The following SLC1A7 variants were observed in gnomAD, a reference collection of about 807,000 sequenced individuals.
SLC1A7 encodes solute carrier family 1 member 7.
A neutral mutation model predicts 47.7 loss-of-function variants in SLC1A7; 40 were observed. The ratio of observed to expected loss-of-function variants is 0.84; its 90% CI spans 0.65 to 1.09. SLC1A7 has a LOEUF of 1.09. SLC1A7 is among the 50% of genes least tolerant of loss of function. The pLI, the probability that SLC1A7 is intolerant of heterozygous loss-of-function variation, is 0.00. For synonymous variants in SLC1A7, 323 were observed against 325.6 expected (o/e 0.99, Z 0.09); for missense variants, 746 against 769.5 (o/e 0.97, Z 0.36).
chr1:53,108,706 G>A (rs1644671660), intron 3 of SLC1A7: 1 of 716,218 alleles, frequency 1.4e-6, no homozygotes, highest in East Asian at 2.7e-5. Context: ...AAAGCCAGGT[G>A]CTAAGCATGG....
intron 5 of SLC1A7, among the ~76,000 whole-genome samples, chr1:53,095,711 TACAC>T (rs1461407978): frequency 6.7e-6 from 1 of 148,310 alleles, no homozygotes; most frequent in South Asian, 2.1e-4. Context: ...CCTGCCTCGG[TACAC>T]ACACACAACT....
At chr1:53,115,390 C>A in intron 2 of SLC1A7, 1 of 212,086 alleles carries the variant, frequency 4.7e-6, no homozygotes. Flanking sequence ...CAAGCTTGGT[C>A]TACCTCTGAG....
chr1:53,110,294 G>A (rs1557678805), intron 3 of SLC1A7, among the ~76,000 whole-genome samples: 1 of 152,186 alleles, frequency 6.6e-6, no homozygotes, highest in East Asian at 1.9e-4. Flanking sequence ...GTGGAGATGA[G>A]GCCACAGGTC....
In SLC1A7 at chr1:53,087,985, G is replaced by A. The variant is rs41312042; in HGVS notation, c.*24C>T. 0.053 allele frequency: 66,553 copies of A among 1,249,734 alleles called. 1,928 individuals are homozygous for A. Among genetic ancestry groups the A allele is most frequent in the East Asian group, 0.24 (6,203 of 25,868 alleles). The allele number at this position is 1,249,734 out of a possible 1,614,324, so 77.4% of individuals were successfully genotyped here. On this transcript the variant is annotated 3_prime_UTR_variant, in exon 11 of 11. Coordinates refer to ENST00000371494, the MANE Select transcript of SLC1A7 (RefSeq NM_006671.6). Reference sequence around the variant, plus strand: ...TCAGGACCCTGCCCCTGGAGGCCTCGCCTGCCCCTGCAGCTCCGCAGGCTC... The same window carrying A: ...TCAGGACCCTGCCCCTGGAGGCCTCACCTGCCCCTGCAGCTCCGCAGGCTC...
intron 2 of SLC1A7, among the ~76,000 whole-genome samples, chr1:53,133,983 C>G (rs562720825): frequency 1.3e-5 from 2 of 152,292 alleles, no homozygotes; most frequent in South Asian, 4.2e-4. Flanking sequence ...AGGCTGTGAT[C>G]ACTGGAGTAT....
At chr1:53,119,882 T>C (rs1376178810) in intron 2 of SLC1A7, among the ~76,000 whole-genome samples, 1 of 152,008 alleles carries the variant, frequency 6.6e-6, no homozygotes, top group Non-Finnish European at 1.5e-5. Context: ...GCTCTGTGAT[T>C]TATGGTGAGG....
intron 1 of SLC1A7, among the ~76,000 whole-genome samples, chr1:53,139,487 G>A (rs1439043618): frequency 6.6e-6 from 1 of 152,220 alleles, no homozygotes; most frequent in Non-Finnish European, 1.5e-5. Context: ...CTTGGGGCAG[G>A]CAGTGGGTGG....
chr1:53,114,365 A>G (rs1644732075), intron 3 of SLC1A7, among the ~76,000 whole-genome samples: 2 of 152,078 alleles, frequency 1.3e-5, no homozygotes. Context: ...TGTCTCCACT[A>G]CCTACCTACC....
intron 5 of SLC1A7, among the ~76,000 whole-genome samples, chr1:53,095,816 ACT>A (rs1276947607): frequency 6.9e-6 from 1 of 144,840 alleles, no homozygotes; most frequent in Non-Finnish European, 1.5e-5. Flanking sequence ...GACTTGGTAC[ACT>A]CACACACACT....
At chr1:53,088,260 G>A (rs922931812) in intron 10 of SLC1A7, 33 bp from the exon 11 acceptor site, 1 of 1,542,592 alleles carries the variant, frequency 6.5e-7, no homozygotes. Context: ...TGTAGCAGCA[G>A]GAGGGACCAA....
At chr1:53,134,084 G>A (rs1034186697) in intron 2 of SLC1A7, among the ~76,000 whole-genome samples, 1 of 152,126 alleles carries the variant, frequency 6.6e-6, no homozygotes, top group African/African-American at 2.4e-5. Flanking sequence ...CCCTGGCCTT[G>A]AGCTATCTTG....
chr1:53,136,630 A>ATATTTT (rs1401225061), intron 1 of SLC1A7, among the ~76,000 whole-genome samples: 1 of 119,764 alleles, frequency 8.3e-6, no homozygotes, highest in African/African-American at 3.4e-5. Flanking sequence ...AAACATATAT[A>ATATTTT]ATATATAAAA....
chr1:53,135,046 G>A (rs1028537008), intron 1 of SLC1A7, among the ~76,000 whole-genome samples: 1 of 152,038 alleles, frequency 6.6e-6, no homozygotes, highest in Admixed American at 6.6e-5. Context: ...AGGGTCATTG[G>A]GGGGCTTAAA....
chr1:53,136,783 C>T (rs1645005088), intron 1 of SLC1A7, among the ~76,000 whole-genome samples: 1 of 150,752 alleles, frequency 6.6e-6, no homozygotes, highest in African/African-American at 2.4e-5. Flanking sequence ...CTTCACACCT[C>T]AGGCTCCCGA....
chr1:53,139,770 A>G (rs190008605), intron 1 of SLC1A7, among the ~76,000 whole-genome samples: 1 of 151,274 alleles, frequency 6.6e-6, no homozygotes, highest in African/African-American at 2.4e-5. Context: ...TCTTTTTCTC[A>G]ACTGTCTCCT....
intron 2 of SLC1A7, among the ~76,000 whole-genome samples, chr1:53,116,702 G>T (rs1644765733): frequency 6.6e-6 from 1 of 152,168 alleles, no homozygotes; most frequent in Non-Finnish European, 1.5e-5. Flanking sequence ...CCGCAGTGGG[G>T]TCCAGCCGCC....
chr1:53,115,485 G>C (rs1349420086), intron 2 of SLC1A7: 1 of 168,954 alleles, frequency 5.9e-6, no homozygotes, highest in Non-Finnish European at 1.3e-5. Context: ...CTGCCTGTCT[G>C]TTTGTGAGAG....
chr1:53,109,450 C>T (rs948753666), intron 3 of SLC1A7, among the ~76,000 whole-genome samples: 1 of 152,210 alleles, frequency 6.6e-6, no homozygotes, highest in Non-Finnish European at 1.5e-5. Context: ...GAGCGGCCCC[C>T]CGGAGCCCTG....
chr1:53,107,189 ACC>A (rs1557677291), intron 3 of SLC1A7, among the ~76,000 whole-genome samples: 10 of 146,228 alleles, frequency 6.8e-5, no homozygotes, highest in Admixed American at 1.4e-4. Context: ...AGGCAAAGAA[ACC>A]ATAAAAAGCT....
Sources: gnomAD v4.1 joint callset for allele counts (sites outside exome capture counted in the v4.1 genomes callset) on GRCh38, gnomAD v4.1.1 for gene constraint, MANE v1.5 for transcripts, NCBI Gene and HGNC (gene_info 2026-07-23, HGNC 2026-07-21) for gene names.